Variants in FAT1 observed in about 807,000 individuals in gnomAD.
The protein encoded by FAT1 is FAT atypical cadherin 1, also known as protocadherin Fat 1.
A neutral mutation model predicts 329.8 loss-of-function variants in FAT1; 171 were observed. That is an observed-to-expected ratio of 0.52 (90% CI 0.46 to 0.59). The LOEUF (loss-of-function observed/expected upper bound fraction) is 0.59, where lower values mean the gene tolerates loss of function less well. FAT1 is among the 20% of genes least tolerant of loss of function. FAT1 has a pLI of 0.00. For missense variants in FAT1, 5,672 were observed against 5,774.4 expected (o/e 0.98, Z 0.57); for synonymous variants, 2,233 against 2,228.6 (o/e 1.00, Z -0.06).
chr4:186,628,715 T>C lies in FAT1; in HGVS notation c.4372A>G (p.Thr1458Ala), dbSNP rs779756475. ...GGAATAACAACTTCATACTTTGATG[T>C]AGAAAACTGAGGACGATGGTCATTT... ...DTNDHRPQFS[T>A]SKYEVVIPED... is the part of the protein sequence containing the mutation. Residue 1458 changes from threonine (T) to alanine (A), a missense_variant, in exon 8 of 27, where the codon ACA becomes GCA. This residue lies in a region of FAT1 where 3,966 missense variants were observed against 3,915.2 expected (regional missense o/e 1.01). Transcript: ENST00000441802. 3.1e-6 allele frequency: 5 copies of C among 1,613,810 alleles called. No homozygotes were observed.
Position 186,609,962 on chromosome 4 carries a change from G to T in FAT1, c.9907C>A (p.Leu3303Ile), listed in dbSNP as rs1218815993. The T allele has an allele frequency of 6.2e-7, 1 of 1,613,538 alleles. No individual in the cohort carries two copies. The highest frequency in any genetic ancestry group is 8.5e-7 in the Non-Finnish European group (1 of 1,179,544). The change falls in exon 15 of 27, where the codon CTA (leucine) becomes ATA (isoleucine). Residue 3303 changes from leucine (L) to isoleucine (I), a missense_variant. Physicochemically the swap from Leu to Ile is conservative, Grantham distance 5. Coordinates refer to ENST00000441802, the MANE Select transcript of FAT1 (RefSeq NM_005245.4). ...LDYESSHEYYLTVEATDGGTP... is the reference protein window; with the variant it reads ...LDYESSHEYYITVEATDGGTP... ...CCTCCATCAGTGGCCTCTACTGTTA[G>T]GTAATACTCATGAGAGCTCTCATAA...
intron 2 of FAT1, among the ~76,000 whole-genome samples, chr4:186,667,487 T>C (rs1018153655): frequency 6.6e-6 from 1 of 152,258 alleles, no homozygotes; most frequent in Non-Finnish European, 1.5e-5. Flanking sequence ...TGTACTTTTA[T>C]AATGCCTATC....
intron 2 of FAT1, among the ~76,000 whole-genome samples, chr4:186,668,124 C>A (rs980730516): frequency 6.6e-6 from 1 of 152,174 alleles, no homozygotes; most frequent in African/African-American, 2.4e-5. Flanking sequence ...ATAGGCACTG[C>A]ACAAAGTGGG....
rs28647489 is a variant in FAT1, at chr4:186,609,868, A to G, written c.10001T>C (p.Val3334Ala). The G allele has an allele frequency of 0.13, 210,420 of 1,612,802 alleles. 15,734 individuals carry two copies. Among genetic ancestry groups the G allele is most frequent in the East Asian group, 0.38 (17,119 of 44,830 alleles). Residue 3334 changes from valine (V) to alanine (A), a missense_variant, in exon 15 of 27, where the codon GTG (valine) becomes GCG (alanine). This residue lies in a region of FAT1 where 1,706 missense variants were observed against 1,859.1 expected (regional missense o/e 0.92). Transcript: ENST00000441802. ...NVTDINDNTP[V>A]FSQDTYTTVI... ...TGTCGTGTAGGTGTCTTGGCTGAAC[A>G]CAGGGGTATTATCGTTGATATCTGT...
chr4:186,699,661 T>C (rs1166704333), intron 2 of FAT1, among the ~76,000 whole-genome samples: 1 of 149,044 alleles, frequency 6.7e-6, no homozygotes, highest in African/African-American at 2.5e-5. Flanking sequence ...GTATGGAGCA[T>C]GCACTATTTA....
rs2126409431 is a variant in FAT1 at position 186,599,924 on chromosome 4, C to T, written c.12077G>A (p.Gly4026Asp). The stretch of plus-strand genomic sequence containing the variant: ...TCCAGCAGGTGACGGATTGCAAACG[C>T]CTCCATTCTGGCAAGGGTTGCTGGC... ...DCASNPCQNG[G>D]VCNPSPAGGY... is the part of the protein sequence containing the mutation. Residue 4026 changes from glycine to aspartate, a missense_variant, in exon 22 of 27, where the codon GGC becomes GAC. By Grantham distance (94) the Gly-to-Asp change is moderately conservative. Coordinates refer to ENST00000441802, the MANE Select transcript of FAT1 (RefSeq NM_005245.4). 6.2e-7 allele frequency: 1 copy of T among 1,613,110 alleles called. No homozygotes were observed. The highest frequency in any genetic ancestry group is 1.1e-5 in the South Asian group (1 of 91,036).
At chr4:186,647,792 G>C (rs1280596902) in intron 3 of FAT1, among the ~76,000 whole-genome samples, 1 of 152,172 alleles carries the variant, frequency 6.6e-6, no homozygotes, top group Non-Finnish European at 1.5e-5. Flanking sequence ...GAAGTGTCTA[G>C]TTTAAGTTTT....
chr4:186,662,890 G>A (rs1742247889), intron 3 of FAT1, among the ~76,000 whole-genome samples: 1 of 151,774 alleles, frequency 6.6e-6, no homozygotes. Flanking sequence ...AGGCTGGAGT[G>A]CAGTGGCACC....
intron 2 of FAT1, among the ~76,000 whole-genome samples, chr4:186,685,730 A>G (rs1444137446): frequency 1.3e-5 from 2 of 152,206 alleles, no homozygotes; most frequent in Admixed American, 6.5e-5. Context: ...CAGTCAAGAC[A>G]TCTGTAAGAG....
chr4:186,719,995 T>C (rs970494621), intron 1 of FAT1, among the ~76,000 whole-genome samples: 26 of 152,332 alleles, frequency 1.7e-4, no homozygotes, highest in African/African-American at 5.5e-4. Flanking sequence ...ATTCTTAACC[T>C]TGCATTAAAG....
intron 2 of FAT1, among the ~76,000 whole-genome samples, chr4:186,692,938 TGGAA>T (rs1213752155): frequency 6.6e-6 from 1 of 152,204 alleles, no homozygotes; most frequent in African/African-American, 2.4e-5. Context: ...ACACGATAAC[TGGAA>T]TTCTCCAATT....
In FAT1 at chr4:186,645,413, AT is replaced by A. The variant is rs1560962523; in HGVS notation, c.3581-5631del. On this transcript the variant is annotated intron_variant, in intron 3 of 26. Transcript: ENST00000441802. Reference sequence around the variant, plus strand: ...TATATATATATATATATATATATATATATATATATGCCTGTAAAAAACTGAG... The same window carrying A: ...TATATATATATATATATATATATATAATATATATGCCTGTAAAAAACTGAG... 5.6e-4 allele frequency among the ~76,000 whole-genome samples: 42 copies of A among 74,920 alleles called. 1 individual carries two copies. Among genetic ancestry groups the A allele is most frequent in the African/African-American group, 2.3e-3 (40 of 17,474 alleles). 49.2% of individuals were successfully genotyped at this position (74,920 alleles called of 152,430 possible).
rs780479078 is a variant in FAT1, at chr4:186,619,343, A to C, written c.7243T>G (p.Tyr2415Asp). 4 of 1,614,060 alleles carry C rather than the reference A, an allele frequency of 2.5e-6. No homozygotes were observed. The highest frequency in any genetic ancestry group is 3.4e-6 in the Non-Finnish European group (4 of 1,179,902). ...TCTATGTCTGAACTGTCTGCATCATAGGCTTTTACACAGGTCACGAAATGC... is the reference window on the plus strand; with the variant it reads ...TCTATGTCTGAACTGTCTGCATCATCGGCTTTTACACAGGTCACGAAATGC... ...HGHFVTCVKA[Y>D]DADSSDIDKL... Residue 2415 changes from tyrosine (Y) to aspartate (D), a missense_variant, in exon 10 of 27, where the codon TAT (tyrosine) becomes GAT (aspartate). Around this residue, in one of 2 missense-constraint regions of FAT1, gnomAD observed 3,966 missense variants for 3,915.2 expected, o/e 1.01. Coordinates refer to ENST00000441802, the MANE Select transcript of FAT1 (RefSeq NM_005245.4).
chr4:186,679,416 C>CAAA (rs1169141587), intron 2 of FAT1, among the ~76,000 whole-genome samples: 14 of 50,284 alleles, frequency 2.8e-4, no homozygotes, highest in African/African-American at 4.2e-4. Context: ...GACTCTGTCT[C>CAAA]AAAAAAAAAA....
chr4:186,630,863 G>A (rs1231529277), intron 7 of FAT1, among the ~76,000 whole-genome samples: 7 of 152,056 alleles, frequency 4.6e-5, no homozygotes, highest in Admixed American at 4.6e-4. Context: ...AGTTAAAGAA[G>A]ATATGAAAGC....
Position 186,706,989 on chromosome 4 carries a change from T to C in FAT1, c.2839A>G (p.Met947Val), listed in dbSNP as rs777738928. Residue 947 changes from methionine (M) to valine (V), a missense_variant, in exon 2 of 27, where the codon ATG becomes GTG. By Grantham distance (21) the Met-to-Val change is conservative. Coordinates refer to ENST00000441802, the MANE Select transcript of FAT1 (RefSeq NM_005245.4). ...TCAGGATCGTGGGCTTCTAACCACA[T>C]GATGACGGTTCCTTCTGGAAGATCC... ...REDLPEGTVI[M>V]WLEAHDPDLG... The C allele has an allele frequency of 6.2e-7, 1 of 1,613,924 alleles. No individual in the cohort carries two copies. Among genetic ancestry groups the C allele is most frequent in the Non-Finnish European group, 8.5e-7 (1 of 1,179,902 alleles).
intron 4 of FAT1, among the ~76,000 whole-genome samples, chr4:186,638,828 T>A (rs1326174881): frequency 6.7e-6 from 1 of 149,674 alleles, no homozygotes; most frequent in African/African-American, 2.6e-5. Context: ...GATAACTCAA[T>A]TAAACAAAGG....
In FAT1 at chr4:186,621,412, A is replaced by C. The variant is rs1553990153; in HGVS notation, c.5174T>G (p.Leu1725Arg). ...GTAAATGGGCAAAGTTTCAAAGTCC[A>C]GGGCTTTCTGAGTGATGATAGTTCC... ...HSGTIITQKA[L>R]DFETLPIYTL... The change falls in exon 10 of 27, where the codon CTG (leucine) becomes CGG (arginine). Residue 1725 changes from leucine to arginine, a missense_variant. Physicochemically the swap from Leu to Arg is moderately radical, Grantham distance 102. This residue lies in a region of FAT1 where 3,966 missense variants were observed against 3,915.2 expected (regional missense o/e 1.01). Transcript: ENST00000441802. The C allele has an allele frequency of 6.2e-7, 1 of 1,614,010 alleles. No individual in the cohort carries two copies. Among genetic ancestry groups the C allele is most frequent in the Admixed American group, 1.7e-5 (1 of 60,022 alleles).
chr4:186,603,807 G>T lies in FAT1; in HGVS notation c.10719C>A (p.Asp3573Glu). The T allele has an allele frequency of 6.2e-7, 1 of 1,613,892 alleles. No homozygotes were observed. The highest frequency in any genetic ancestry group is 8.5e-7 in the Non-Finnish European group (1 of 1,179,896). Residue 3573 changes from aspartate (D) to glutamate (E), a missense_variant, in exon 19 of 27, where the codon GAC becomes GAA. By Grantham distance (45) the Asp-to-Glu change is conservative (BLOSUM62 2). Coordinates refer to ENST00000441802, the MANE Select transcript of FAT1 (RefSeq NM_005245.4). ...GACTGTAGGTTAGAGTATCATACAC[G>T]TCCTGGTCTGTGGCATGGATCTTCC... ...VIGKIHATDQ[D>E]VYDTLTYSLD...
Sources: gnomAD v4.1 joint callset for allele counts (sites outside exome capture counted in the v4.1 genomes callset) on GRCh38, gnomAD v4.1.1 for gene constraint, gnomAD v4.1.1 regional missense constraint, MANE v1.5 for transcripts, NCBI Gene and HGNC (gene_info 2026-07-23, HGNC 2026-07-21) for gene names.